Variants in HERC2 observed in about 807,000 individuals in gnomAD.
The protein encoded by HERC2 is HECT and RLD domain containing E3 ubiquitin protein ligase 2.
In HERC2, 102 loss-of-function variants were observed where a neutral mutation model predicts 537.7. The observed-to-expected ratio is 0.19, with a 90% confidence interval of 0.16 to 0.22. HERC2 has a LOEUF of 0.22. HERC2 is among the 10% of genes least tolerant of loss of function. The probability of loss-of-function intolerance (pLI) is 1.00; values close to 1 mark genes in which losing one functional copy is unlikely to be tolerated. For synonymous variants in HERC2, 2,224 were observed against 2,466.2 expected, an observed-to-expected ratio of 0.90 and a Z score of 2.91; for missense variants, 4,236 against 6,198.2, an observed-to-expected ratio of 0.68 and a Z score of 10.63.
chr15:28,117,248 G>T, intron 86 of HERC2, 94 bp from the exon 87 acceptor site: 3 of 1,262,990 alleles, frequency 2.4e-6, no homozygotes, highest in East Asian at 2.3e-5. Flanking sequence ...ACGAGGAGGA[G>T]GCACCGTGCA....
intron 22 of HERC2, among the ~76,000 whole-genome samples, chr15:28,246,329 T>C (rs560297829): frequency 6.6e-6 from 1 of 152,260 alleles, no homozygotes; most frequent in South Asian, 2.1e-4. Flanking sequence ...GAAAATTAAA[T>C]GTTTATTGAT....
In HERC2 at chr15:28,265,931, G is replaced by C. The variant is rs1473755359; in HGVS notation, c.1642C>G (p.Gln548Glu). The change falls in exon 13 of 93, where the codon CAG (glutamine) becomes GAG (glutamate). Residue 548 changes from glutamine (Q) to glutamate (E), a missense_variant. Gln to Glu is a conservative substitution (Grantham distance 29). Around this residue, in one of 27 missense-constraint regions of HERC2, gnomAD observed 754 missense variants for 1,085.0 expected, o/e 0.69. Coordinates refer to ENST00000261609, the MANE Select transcript of HERC2 (RefSeq NM_004667.6). This position sits in a 1 kb window ranked among gnomAD's most constrained non-coding sequence, Gnocchi z 4.0. ...ATGTGCACCACGTGCTTCCCGGCCTGCTTTCCAGAGAAGGCGGAGATCACC... is the reference window on the plus strand; with the variant it reads ...ATGTGCACCACGTGCTTCCCGGCCTCCTTTCCAGAGAAGGCGGAGATCACC... The part of the protein sequence containing the change: ...PKVISAFSGK[Q>E]AGKHVVHIAC... 2.5e-6 allele frequency: 4 copies of C among 1,614,074 alleles called. No individual in the cohort carries two copies. Among genetic ancestry groups the C allele is most frequent in the African/African-American group, 2.7e-5 (2 of 74,938 alleles).
intron 2 of HERC2, among the ~76,000 whole-genome samples, chr15:28,304,331 A>G (rs1176690750): frequency 6.6e-6 from 1 of 150,982 alleles, no homozygotes; most frequent in Admixed American, 6.6e-5. Flanking sequence ...ATAACTTGGC[A>G]TCTTCATTTC....
intron 20 of HERC2, among the ~76,000 whole-genome samples, chr15:28,250,172 C>T (rs1388553665): frequency 6.6e-6 from 1 of 151,966 alleles, no homozygotes; most frequent in African/African-American, 2.4e-5. Context: ...CTTGTCAATC[C>T]CACTTGCCCC....
Position 28,289,719 on chromosome 15 carries a change from T to C in HERC2, c.322+3169A>G, listed in dbSNP as rs188516951. On this transcript the variant is annotated intron_variant, in intron 4 of 92. Transcript: ENST00000261609. ...GTTTGGTAAACATACCTAAAATCCA[T>C]GGACTTACGGGACATGGCTCCCTGG... is the stretch of plus-strand genomic sequence containing the variant. Among the ~76,000 whole-genome samples the C allele has an allele frequency of 1.1e-3, 171 of 152,322 alleles. 1 individual carries two copies. Among genetic ancestry groups the C allele is most frequent in the African/African-American group, 3.6e-3 (151 of 41,578 alleles).
chr15:28,124,514 T>C (rs1889263630), intron 84 of HERC2, among the ~76,000 whole-genome samples: 1 of 152,176 alleles, frequency 6.6e-6, no homozygotes, highest in African/African-American at 2.4e-5. Flanking sequence ...GGTTATAAGA[T>C]ATAGAAGGTG....
intron 2 of HERC2, among the ~76,000 whole-genome samples, chr15:28,318,600 G>A (rs2077151949): frequency 6.7e-6 from 1 of 149,094 alleles, no homozygotes. Flanking sequence ...TCCAGCCTGG[G>A]AGACAGAGTC....
chr15:28,168,633 T>C, intron 66 of HERC2, 43 bp from the exon 67 acceptor site: 4 of 1,571,516 alleles, frequency 2.5e-6, no homozygotes, highest in South Asian at 2.3e-5. Flanking sequence ...CTGCCCCTTC[T>C]CCACTGCAGC....
intron 76 of HERC2, among the ~76,000 whole-genome samples, 182 bp downstream of exon 76, chr15:28,142,056 T>A (rs769000174): frequency 8.5e-5 from 13 of 152,220 alleles, no homozygotes; most frequent in Non-Finnish European, 1.5e-4. Flanking sequence ...TGTAGTTTAC[T>A]AAAAATAAAC....
At chr15:28,173,531 G>C (rs1894899598) in intron 65 of HERC2, among the ~76,000 whole-genome samples, 1 of 152,078 alleles carries the variant, frequency 6.6e-6, no homozygotes, top group South Asian at 2.1e-4. Flanking sequence ...TGCCACGGTG[G>C]CTCCTGCCCA....
chr15:28,130,773 G>A (rs1249415654), intron 81 of HERC2, among the ~76,000 whole-genome samples, 179 bp from the exon 82 acceptor site: 1 of 152,198 alleles, frequency 6.6e-6, no homozygotes, highest in African/African-American at 2.4e-5. Context: ...AGGCAGGCGG[G>A]ACCGTGACTG....
Position 28,124,073 on chromosome 15 carries a change from G to A in HERC2, c.13152C>T (p.Phe4384=), listed in dbSNP as rs777200177. The A allele has an allele frequency of 1.1e-5, 18 of 1,604,704 alleles. No homozygotes were observed. Among genetic ancestry groups the A allele is most frequent in the East Asian group, 6.8e-5 (3 of 44,176 alleles). Residue 4384 remains phenylalanine (F), a synonymous_variant, in exon 85 of 93, where the codon TTC becomes TTT. Transcript: ENST00000261609. The stretch of plus-strand genomic sequence containing the variant: ...ATATCAGAATTCCTCGGAGAGTGTC[G>A]AACCCAACAGAAGGCCCGAGTCCAG... ...DETGLGPSVG[F]DTLRGILISQ...
rs774028526 is a variant in HERC2 at position 28,116,672 on chromosome 15, G to T, written c.13602C>A (p.Arg4534=). The T allele has an allele frequency of 1.9e-5, 31 of 1,607,252 alleles. No homozygotes were observed. The Admixed American group carries it at 5.2e-4, about 27-fold the overall frequency. Residue 4534 remains arginine, a synonymous_variant, in exon 88 of 93, where the codon CGC becomes CGA. Coordinates refer to ENST00000261609, the MANE Select transcript of HERC2 (RefSeq NM_004667.6). ...ARAPVHSSMF[R]FLGVLLGIAI... ...AGCGGCCGAGAAGCTCACCCAGGAA[G>T]CGGAACATGCTGCTGTGCACGGGTG...
At chr15:28,283,202 A>C (rs914480920) in intron 4 of HERC2, among the ~76,000 whole-genome samples, 48 of 152,300 alleles carry the variant, frequency 3.2e-4, no homozygotes, top group African/African-American at 1.1e-3. Flanking sequence ...ATAAATCTAC[A>C]GATCTTAGGT....
chr15:28,132,970 C>A, intron 79 of HERC2, 140 bp from the exon 80 acceptor site: 1 of 677,442 alleles, frequency 1.5e-6, no homozygotes, highest in South Asian at 3.2e-5. Context: ...GACCTAAACT[C>A]AAAAGTTCAC....
Position 28,299,382 on chromosome 15 carries a change from C to A in HERC2, c.187+20G>T, listed in dbSNP as rs769468300. The A allele has an allele frequency of 9.7e-7, 1 of 1,026,052 alleles. No individual in the cohort carries two copies. The highest frequency in any genetic ancestry group is 2.4e-5 in the East Asian group (1 of 42,028). The allele number at this position is 1,026,052 out of a possible 1,614,324, so 63.6% of individuals were successfully genotyped here. On this transcript the variant is annotated intron_variant, in intron 3 of 92. Coordinates refer to ENST00000261609, the MANE Select transcript of HERC2 (RefSeq NM_004667.6). ...ATAATGGTCTTTACCAAATAAAAAA[C>A]ACTAGTTAAAGGCCCTTACCTTTTC...
chr15:28,175,682 T>C, intron 63 of HERC2, 26 bp from the exon 64 acceptor site: 1 of 1,613,350 alleles, frequency 6.2e-7, no homozygotes, highest in Non-Finnish European at 8.5e-7. Flanking sequence ...TGGTGGAGAG[T>C]TACAATACGG....
In HERC2 at chr15:28,238,094, C is replaced by G. The variant is rs1349079621; in HGVS notation, c.3852+20G>C. 4.6e-6 allele frequency: 7 copies of G among 1,519,454 alleles called. No individual in the cohort carries two copies. The allele number at this position is 1,519,454 out of a possible 1,614,324, so 94.1% of individuals were successfully genotyped here. A position where few individuals can be genotyped will look rare whatever the true frequency, so the allele number is the denominator to read the frequency against. On this transcript the variant is annotated intron_variant, in intron 25 of 92. Transcript: ENST00000261609. ...GTATCCCCTGCCATCCTCTGCATCA[C>G]TCAAGGCATACAGCCTCACCTCCAA...
chr15:28,272,520 C>T (rs1009036949), intron 8 of HERC2, 134 bp from the exon 9 acceptor site: 18 of 817,318 alleles, frequency 2.2e-5, no homozygotes, highest in East Asian at 1.1e-4. Context: ...AAACTAAAGC[C>T]GTGGTAATTA....
Sources: gnomAD v4.1 joint callset for allele counts (sites outside exome capture counted in the v4.1 genomes callset) on GRCh38, gnomAD v4.1.1 for gene constraint, gnomAD v4.1.1 regional missense constraint, Gnocchi (gnomAD v3.1) non-coding constraint, MANE v1.5 for transcripts, NCBI Gene and HGNC (gene_info 2026-07-23, HGNC 2026-07-21) for gene names.